The following DPP10 variants were observed in gnomAD, a reference collection of about 807,000 sequenced individuals.
DPP10 encodes the protein dipeptidyl peptidase like 10, also known as inactive dipeptidyl peptidase 10.
Under a neutral mutation model 120.9 loss-of-function variants are expected in DPP10, and 33 were observed. The ratio of observed to expected loss-of-function variants is 0.27; its 90% CI spans 0.21 to 0.37. DPP10 has a LOEUF of 0.37. Among genes scored for constraint, DPP10 ranks in the 10% least tolerant of loss-of-function variants. The pLI is 1.00. For synonymous variants in DPP10, 337 were observed against 326.1 expected, an observed-to-expected ratio of 1.03 and a Z score of -0.36; for missense variants, 816 against 942.8, an observed-to-expected ratio of 0.87 and a Z score of 1.76.
intron 1 of DPP10, among the ~76,000 whole-genome samples, chr2:115,018,302 A>G (rs1702817159): frequency 6.6e-6 from 1 of 152,174 alleles, no homozygotes; most frequent in East Asian, 1.9e-4. Context: ...CAGTGTGGTG[A>G]TTCCTCCAGG....
chr2:115,622,874 G>A (rs1052044348), intron 5 of DPP10, among the ~76,000 whole-genome samples: 18 of 139,906 alleles, frequency 1.3e-4, no homozygotes, highest in African/African-American at 2.7e-4. Context: ...ATGGAGTCTC[G>A]CTCTGTCGCC....
chr2:115,656,133 A>AACAC (rs146572509), intron 5 of DPP10, among the ~76,000 whole-genome samples: 1,461 of 143,306 alleles, frequency 0.01, 32 homozygotes, highest in East Asian at 0.1. Flanking sequence ...GTTCTTACCA[A>AACAC]ACACACACAC....
intron 5 of DPP10, among the ~76,000 whole-genome samples, chr2:115,596,403 T>C (rs1253753080): frequency 1.3e-5 from 2 of 152,206 alleles, no homozygotes; most frequent in Non-Finnish European, 2.9e-5. Context: ...AAGTATTTTT[T>C]TTCCTTAAGA....
chr2:114,515,357 A>T (rs981779938), intron 1 of DPP10, among the ~76,000 whole-genome samples: 1 of 152,212 alleles, frequency 6.6e-6, no homozygotes, highest in Non-Finnish European at 1.5e-5. Flanking sequence ...TTGGCAACAG[A>T]CATCTGGCCC....
rs72951841 is a variant in DPP10, at chr2:114,533,295, A to G, written c.60+90457A>G. The stretch of plus-strand genomic sequence containing the variant: ...TCTCACATCCTTTCTCCTATGTTGA[A>G]TGACCTGCTTCCTATGTCTTGTTCT... On this transcript the variant is annotated intron_variant, in intron 1 of 25. Coordinates refer to ENST00000410059, the MANE Select transcript of DPP10 (RefSeq NM_020868.6). Among the ~76,000 whole-genome samples the G allele has an allele frequency of 3.1e-3, 478 of 152,296 alleles. 3 individuals carry two copies. The highest frequency in any genetic ancestry group is 0.01 in the African/African-American group (436 of 41,568).
intron 1 of DPP10, among the ~76,000 whole-genome samples, chr2:114,864,378 T>A (rs189891133): frequency 6.6e-6 from 1 of 152,272 alleles, no homozygotes; most frequent in Admixed American, 6.5e-5. Flanking sequence ...CTGAAGACTA[T>A]GAATGGAGAC....
At chr2:115,317,889 A>G (rs1383315657) in intron 2 of DPP10, among the ~76,000 whole-genome samples, 1 of 151,974 alleles carries the variant, frequency 6.6e-6, no homozygotes, top group Non-Finnish European at 1.5e-5. Flanking sequence ...ACATATTTTC[A>G]TATACTTTCT....
chr2:115,331,992 G>A (rs1019497093), intron 2 of DPP10, among the ~76,000 whole-genome samples: 41 of 152,010 alleles, frequency 2.7e-4, no homozygotes, highest in Non-Finnish European at 3.1e-4. Flanking sequence ...TAGTTTCAGA[G>A]GGAATGGTAC....
At chr2:115,318,089 G>A (rs950871166) in intron 2 of DPP10, among the ~76,000 whole-genome samples, 2 of 151,860 alleles carry the variant, frequency 1.3e-5, no homozygotes, top group Non-Finnish European at 2.9e-5. Context: ...ATCTACATGG[G>A]TCATTGATTC....
At chr2:115,675,563 C>G (rs547743392) in intron 5 of DPP10, among the ~76,000 whole-genome samples, 14 of 152,218 alleles carry the variant, frequency 9.2e-5, no homozygotes, top group Admixed American at 3.9e-4. Context: ...AAGAATCTGG[C>G]CAAGATTGGC....
chr2:114,760,693 C>T (rs1680205116), intron 1 of DPP10, among the ~76,000 whole-genome samples: 1 of 151,824 alleles, frequency 6.6e-6, no homozygotes, highest in African/African-American at 2.4e-5. Flanking sequence ...TAGGATAATG[C>T]CATATGATTT....
intron 1 of DPP10, among the ~76,000 whole-genome samples, chr2:114,916,753 T>A (rs1409536690): frequency 6.6e-6 from 1 of 152,174 alleles, no homozygotes; most frequent in East Asian, 1.9e-4. Context: ...GAAAAGGCTT[T>A]TGATTAACAT....
rs1186182356 is a variant in DPP10, at chr2:115,821,119, T to C, written c.1950+5390T>C. 3.3e-5 allele frequency among the ~76,000 whole-genome samples: 5 copies of C among 152,180 alleles called. No homozygotes were observed. In the East Asian group the frequency reaches 9.6e-4, roughly 29 times the overall value. On this transcript the variant is annotated intron_variant, in intron 21 of 25. Transcript: ENST00000410059. ...TGCCTAAAAGTGTTAGTGTTACATA[T>C]ATGTCCATTTAATCAAACATATCCA... is the stretch of plus-strand genomic sequence containing the variant.
chr2:114,965,890 C>T (rs1341561147), intron 1 of DPP10, among the ~76,000 whole-genome samples: 4 of 138,462 alleles, frequency 2.9e-5, no homozygotes, highest in East Asian at 2.4e-4. Context: ...GGCATGAACC[C>T]GGGAGGCAGG....
intron 1 of DPP10, among the ~76,000 whole-genome samples, chr2:114,781,684 A>G (rs1450061758): frequency 6.6e-6 from 1 of 152,064 alleles, no homozygotes; most frequent in African/African-American, 2.4e-5. Flanking sequence ...GCATATCTAG[A>G]TGAGTATATA....
At chr2:115,307,303 T>C (rs1213010727) in intron 1 of DPP10, among the ~76,000 whole-genome samples, 1 of 152,104 alleles carries the variant, frequency 6.6e-6, no homozygotes, top group African/African-American at 2.4e-5. Flanking sequence ...CAGTCAAAAG[T>C]CATTTCTCAA....
At chr2:114,835,882 G>A (rs535272423) in intron 1 of DPP10, among the ~76,000 whole-genome samples, 1 of 151,116 alleles carries the variant, frequency 6.6e-6, no homozygotes, top group South Asian at 2.1e-4. Flanking sequence ...CAGCATATAA[G>A]TAGAAATTAT....
chr2:115,541,649 A>G (rs2079176574), intron 5 of DPP10, among the ~76,000 whole-genome samples: 3 of 151,974 alleles, frequency 2.0e-5, no homozygotes, highest in African/African-American at 7.2e-5. Context: ...GATATTAGCC[A>G]TAACGTTAAC....
chr2:115,324,450 T>C (rs2062235297), intron 2 of DPP10, among the ~76,000 whole-genome samples: 1 of 152,172 alleles, frequency 6.6e-6, no homozygotes, highest in Non-Finnish European at 1.5e-5. Flanking sequence ...TTTGATATTA[T>C]GGAAATAGGG....
Sources: allele counts gnomAD v4.1 joint callset (sites outside exome capture counted in the v4.1 genomes callset), GRCh38; gene constraint gnomAD v4.1.1; transcripts MANE v1.5; gene names NCBI Gene and HGNC (gene_info 2026-07-23, HGNC 2026-07-21).